ATG2B: variants seen among roughly 807,000 people sequenced by gnomAD.
ATG2B encodes autophagy-related protein 2 homolog B.
Under a neutral mutation model 241.3 loss-of-function variants are expected in ATG2B, and 121 were observed. The ratio of observed to expected loss-of-function variants is 0.50; its 90% CI spans 0.43 to 0.58. ATG2B has a LOEUF of 0.58. Among genes scored for constraint, ATG2B ranks in the 20% least tolerant of loss-of-function variants. The probability of loss-of-function intolerance (pLI) is 0.00; values close to 1 mark genes in which losing one functional copy is unlikely to be tolerated. For synonymous variants in ATG2B, 858 were observed against 876.6 expected (o/e 0.98, Z 0.37); for missense variants, 2,306 against 2,491.6 (o/e 0.93, Z 1.59).
chr14:96,313,165 C>A lies in ATG2B; in HGVS notation c.3750-8G>T. 2 of 1,590,168 alleles carry A rather than the reference C, an allele frequency of 1.3e-6. No homozygotes were observed. Among genetic ancestry groups the A allele is most frequent in the Non-Finnish European group, 1.7e-6 (2 of 1,160,052 alleles). ...ATTGGCAAATAAAGGGGTCTAATGC[C>A]AAAGAGAAACAAAAGAACATCAGTT... On this transcript the variant is annotated splice_polypyrimidine_tract_variant and splice_region_variant and intron_variant, in intron 24 of 41. Transcript: ENST00000359933.
chr14:96,352,022 C>G (rs769563513), intron 1 of ATG2B, among the ~76,000 whole-genome samples: 1 of 151,676 alleles, frequency 6.6e-6, no homozygotes, highest in Non-Finnish European at 1.5e-5. Context: ...AGAAAAGTAA[C>G]ACTTAAAGCC....
At position 96,295,117 on chromosome 14, in the gene ATG2B, T is replaced by C; in HGVS notation, c.5269A>G (p.Ser1757Gly). The C allele has an allele frequency of 1.9e-6, 3 of 1,614,192 alleles. No individual in the cohort carries two copies. Among genetic ancestry groups the C allele is most frequent in the Non-Finnish European group, 8.5e-7 (1 of 1,180,036 alleles). ...ACCAGATTTGGCTCCTTTGAGGTAC[T>C]CAAATGCCTTGGCAAACTGCAGGTG... is the stretch of plus-strand genomic sequence containing the variant. ...DVTCSLPRHL[S>G]TSKEPNLVIS... is the part of the protein sequence containing the mutation. The change falls in exon 36 of 42, where the codon AGT becomes GGT. Residue 1757 changes from serine to glycine, a missense_variant. This residue lies in a region of ATG2B where 379 missense variants were observed against 480.4 expected (regional missense o/e 0.79). Transcript: ENST00000359933.
In ATG2B at chr14:96,285,835, C is replaced by G. The variant is rs139161893; in HGVS notation, c.6157G>C (p.Val2053Leu). ...LIVATEATSNVLGGMRNQIRP... is the reference protein window; with the variant it reads ...LIVATEATSNLLGGMRNQIRP... The stretch of plus-strand genomic sequence containing the variant: ...ATTTGGTTTCTCATGCCACCCAGCA[C>G]GTTTGACGTTGCTTCTGTGGCAACA... The change falls in exon 42 of 42, where the codon GTG (valine) becomes CTG (leucine). Residue 2053 changes from valine to leucine, a missense_variant. Coordinates refer to ENST00000359933, the MANE Select transcript of ATG2B (RefSeq NM_018036.7). This position sits in a 1 kb window ranked among gnomAD's most constrained non-coding sequence, Gnocchi z 4.2. 11 of 1,614,010 alleles carry G rather than the reference C, an allele frequency of 6.8e-6. No individual in the cohort carries two copies. Among genetic ancestry groups the G allele is most frequent in the Admixed American group, 6.7e-5 (4 of 60,004 alleles).
chr14:96,293,262 C>T (rs1886537537), intron 36 of ATG2B: 1 of 152,240 alleles, frequency 6.6e-6, no homozygotes, highest in Non-Finnish European at 1.5e-5. Context: ...CTACCAGAAG[C>T]CTCAGACCCC....
At chr14:96,306,672 G>T (rs199960686) in intron 30 of ATG2B, 42 bp downstream of exon 30, 6 of 1,534,704 alleles carry the variant, frequency 3.9e-6, no homozygotes, top group Non-Finnish European at 4.4e-6. Flanking sequence ...CAATTCATTT[G>T]TAACACCATT....
chr14:96,355,975 C>G (rs1888462107), intron 1 of ATG2B, among the ~76,000 whole-genome samples: 2 of 152,102 alleles, frequency 1.3e-5, no homozygotes, highest in African/African-American at 4.8e-5. Flanking sequence ...TGGAGACCAT[C>G]CTGGCTAACA....
chr14:96,332,175 T>A, intron 10 of ATG2B, 130 bp downstream of exon 10: 1 of 663,362 alleles, frequency 1.5e-6, no homozygotes. Context: ...TTAACAATGG[T>A]TCATTTTGCT....
At position 96,303,037 on chromosome 14, in the gene ATG2B, C is replaced by G. The variant is rs200357908; in HGVS notation, c.5037+24G>C. Reference sequence around the variant, plus strand: ...AAACACGTTTCCAAAACTAACATAACACAACGATGAGGTTAACTCTTACCA... The same window carrying G: ...AAACACGTTTCCAAAACTAACATAAGACAACGATGAGGTTAACTCTTACCA... On this transcript the variant is annotated intron_variant, in intron 33 of 41. Transcript: ENST00000359933. 231 of 1,447,378 alleles carry G rather than the reference C, an allele frequency of 1.6e-4. 1 individual carries two copies. In the East Asian group the frequency reaches 5.0e-3, roughly 31 times the overall value. 89.7% of individuals were successfully genotyped at this position (1,447,378 alleles called of 1,614,324 possible). A position where few individuals can be genotyped will look rare whatever the true frequency, so the allele number is the denominator to read the frequency against.
rs778368919 is a variant in ATG2B, at chr14:96,333,801, C to T, written c.1094G>A (p.Arg365Gln). The stretch of plus-strand genomic sequence containing the variant: ...ATACCGGTTTAATTCCATCTGAATT[C>T]GATACTCGTCTTCCTGCTGCATGGG... ...NRPMQQEDEY[R>Q]IQMELNRYYL... The change falls in exon 8 of 42, where the codon CGA (arginine) becomes CAA (glutamine). Residue 365 changes from arginine to glutamine, a missense_variant. Physicochemically the swap from Arg to Gln is conservative, Grantham distance 43 (BLOSUM62 1). Coordinates refer to ENST00000359933, the MANE Select transcript of ATG2B (RefSeq NM_018036.7). The T allele has an allele frequency of 7.4e-6, 12 of 1,613,830 alleles. No individual in the cohort carries two copies. The highest frequency in any genetic ancestry group is 5.5e-5 in the South Asian group (5 of 91,060).
At chr14:96,344,625 C>A in intron 4 of ATG2B, 29 bp downstream of exon 4, 3 of 1,280,260 alleles carry the variant, frequency 2.3e-6, no homozygotes, top group South Asian at 2.6e-5. Context: ...ACAATAGGGT[C>A]ATTTATTTTC....
At chr14:96,294,858 G>C in intron 36 of ATG2B, 102 bp downstream of exon 36, 1 of 1,045,076 alleles carries the variant, frequency 9.6e-7, no homozygotes, top group East Asian at 2.6e-5. Context: ...GCAGTGCAAA[G>C]AAAAGCTGAC....
intron 32 of ATG2B, among the ~76,000 whole-genome samples, chr14:96,303,896 TG>T (rs1886863889): frequency 1.3e-5 from 2 of 152,216 alleles, no homozygotes; most frequent in Non-Finnish European, 2.9e-5. Flanking sequence ...TGCTTTAAAA[TG>T]AATCAGCAGA....
intron 38 of ATG2B, 63 bp downstream of exon 38, chr14:96,291,537 T>C: frequency 7.8e-7 from 1 of 1,284,858 alleles, no homozygotes; most frequent in Non-Finnish European, 1.1e-6. Flanking sequence ...ACTCAGTTTT[T>C]AAATTTGTTG....
chr14:96,317,122 C>T, intron 20 of ATG2B, 23 bp downstream of exon 20: 1 of 1,575,968 alleles, frequency 6.3e-7, no homozygotes, highest in South Asian at 1.2e-5. Context: ...TTTGAAAAAA[C>T]ACTTCGGATT....
At chr14:96,317,380 T>C in intron 19 of ATG2B, 63 bp from the exon 20 acceptor site, 1 of 1,410,552 alleles carries the variant, frequency 7.1e-7, no homozygotes, top group Non-Finnish European at 9.7e-7. Flanking sequence ...ATAAAAATGA[T>C]CATGAAAATA....
At chr14:96,356,868 T>A (rs915158040) in intron 1 of ATG2B, among the ~76,000 whole-genome samples, 1 of 152,184 alleles carries the variant, frequency 6.6e-6, no homozygotes, top group African/African-American at 2.4e-5. Flanking sequence ...AACAGAAAGT[T>A]AGTACCCAAT....
intron 6 of ATG2B, among the ~76,000 whole-genome samples, chr14:96,340,103 A>AATATATATC (rs1373322545): frequency 2.9e-5 from 3 of 103,838 alleles, no homozygotes; most frequent in Non-Finnish European, 6.0e-5. Context: ...TGCTATATAG[A>AATATATATC]ATATATGATA....
chr14:96,287,400 C>G (rs538238673), intron 41 of ATG2B, among the ~76,000 whole-genome samples: 11 of 152,298 alleles, frequency 7.2e-5, no homozygotes, highest in Non-Finnish European at 1.6e-4. Flanking sequence ...CACCATCTCC[C>G]TCCCCTCTCC....
intron 34 of ATG2B, among the ~76,000 whole-genome samples, chr14:96,298,681 C>T (rs953005738): frequency 3.8e-4 from 58 of 152,310 alleles, no homozygotes; most frequent in African/African-American, 1.4e-3. Context: ...ATTCCATTTA[C>T]ATGAAGTTGC....
Sources: gnomAD v4.1 joint callset for allele counts (sites outside exome capture counted in the v4.1 genomes callset) on GRCh38, gnomAD v4.1.1 for gene constraint, gnomAD v4.1.1 regional missense constraint, Gnocchi (gnomAD v3.1) non-coding constraint, MANE v1.5 for transcripts, NCBI Gene and HGNC (gene_info 2026-07-23, HGNC 2026-07-21) for gene names.